Variants in OR4Q3 observed in about 807,000 individuals in gnomAD.
OR4Q3 encodes olfactory receptor 4Q3.
OR4Q3 carries 17 observed loss-of-function variants against 18.8 expected under a neutral mutation model. The ratio of observed to expected loss-of-function variants is 0.91; its 90% CI spans 0.62 to 1.36. The LOEUF (loss-of-function observed/expected upper bound fraction) is 1.36. Ranked by LOEUF, OR4Q3 falls within the 40% of genes most tolerant of loss-of-function variation. OR4Q3 has a pLI of 0.00. For synonymous variants in OR4Q3, 158 were observed against 145.8 expected (o/e 1.08, Z -0.60); for missense variants, 378 against 373.4 (o/e 1.01, Z -0.10).
downstream of OR4Q3, among the ~76,000 whole-genome samples, chr14:19,751,003 C>T: frequency 6.6e-6 from 1 of 152,238 alleles, no homozygotes. Context: ...CTAGGGATTA[C>T]CAGGCATGTT....
intron 1 of OR4Q3, 136 bp from the exon 2 acceptor site, chr14:19,747,270 G>A: frequency 2.4e-6 from 1 of 424,158 alleles, no homozygotes; most frequent in Non-Finnish European, 4.0e-6. Context: ...CAATATAAGA[G>A]TGTACTGCCT....
chr14:19,747,761 G>A, exon 2 of OR4Q3: 4 of 1,613,998 alleles, frequency 2.5e-6, no homozygotes, highest in South Asian at 2.2e-5. Context: ...AGGAGCCAGT[G>A]AGATGTTTTT....
chr14:19,748,379 A>G, exon 2 of OR4Q3: 3 of 1,572,088 alleles, frequency 1.9e-6, no homozygotes, highest in Non-Finnish European at 2.6e-6. Flanking sequence ...AGGAATGAGC[A>G]GAAGAGGTGA....
downstream of OR4Q3, among the ~76,000 whole-genome samples, chr14:19,751,711 G>A: frequency 6.6e-5 from 10 of 151,964 alleles, no homozygotes; most frequent in South Asian, 2.1e-4. Flanking sequence ...AGGATCTTTC[G>A]TATTTCTGTG....
chr14:19,744,927 A>G, intron 1 of OR4Q3, among the ~76,000 whole-genome samples: 2 of 152,194 alleles, frequency 1.3e-5, no homozygotes, highest in Admixed American at 1.3e-4. Flanking sequence ...TCAGAAACAC[A>G]GAAGCTGGGA....
At chr14:19,752,108 C>A, downstream of OR4Q3, among the ~76,000 whole-genome samples, 3 of 152,056 alleles carry the variant, frequency 2.0e-5, no homozygotes, top group Non-Finnish European at 4.4e-5. Context: ...TGACATTGGC[C>A]TTGGGAAAAA....
intron 1 of OR4Q3, among the ~76,000 whole-genome samples, chr14:19,744,546 T>C (rs1303411066): frequency 1.1e-4 from 17 of 152,178 alleles, no homozygotes; most frequent in Admixed American, 2.6e-4. Flanking sequence ...ATTTAAGGTG[T>C]TTTGGTTTGT....
At chr14:19,747,591 T>C in exon 2 of OR4Q3, 1 of 1,613,862 alleles carries the variant, frequency 6.2e-7, no homozygotes, top group Non-Finnish European at 8.5e-7. Context: ...CATGCTCACC[T>C]GCTCCAATCT....
At chr14:19,744,540 A>C (rs1354418220) in intron 1 of OR4Q3, among the ~76,000 whole-genome samples, 1 of 152,168 alleles carries the variant, frequency 6.6e-6, no homozygotes, top group Non-Finnish European at 1.5e-5. Flanking sequence ...TTTGATATTT[A>C]AGGTGTTTTG....
chr14:19,748,035 A>T lies in OR4Q3; in HGVS notation c.632A>T (p.Asn211Ile). The change falls in exon 2 of 2, where the codon AAC becomes ATC. Residue 211 changes from asparagine to isoleucine, a missense_variant. Coordinates refer to ENST00000642117, the Ensembl canonical transcript of OR4Q3. ...GTGGTAGAGGTGCTGGTGATAGCCA[A>T]CAGTGGTCTGCTGTCTCTTGTCTGC... 1.4e-5 allele frequency: 22 copies of T among 1,613,904 alleles called. No homozygotes were observed. The highest frequency in any genetic ancestry group is 2.2e-5 in the South Asian group (2 of 91,092).
intron 1 of OR4Q3, among the ~76,000 whole-genome samples, chr14:19,744,489 G>C (rs1414658354): frequency 6.6e-6 from 1 of 152,150 alleles, no homozygotes; most frequent in Admixed American, 6.6e-5. Flanking sequence ...TCCCTGTTTA[G>C]AAAGAAGAGA....
At chr14:19,749,806 C>CTCTTTCTTTCTTTCTCTCTCTT, downstream of OR4Q3, among the ~76,000 whole-genome samples, 1 of 12,656 alleles carries the variant, frequency 7.9e-5, no homozygotes, top group African/African-American at 1.4e-4. Flanking sequence ...CTCTCTCTTT[C>CTCTTTCTTTCTTTCTCTCTCTT]TCTCTATTTC....
chr14:19,745,568 A>G, intron 1 of OR4Q3, among the ~76,000 whole-genome samples: 2 of 152,170 alleles, frequency 1.3e-5, no homozygotes, highest in Non-Finnish European at 2.9e-5. Context: ...AATTAAAAAA[A>G]TAACTTTGGT....
At chr14:19,743,595 AAG>A (rs1271327039) in exon 1 of OR4Q3, 2 of 152,436 alleles carry the variant, frequency 1.3e-5, no homozygotes, top group Non-Finnish European at 2.9e-5. Context: ...CCTGAGGCTG[AAG>A]AGAGGGTTGA....
downstream of OR4Q3, among the ~76,000 whole-genome samples, chr14:19,749,848 TTCTTTCTTTC>T: frequency 1.1e-3 from 2 of 1,864 alleles, no homozygotes; most frequent in African/African-American, 2.6e-3. Flanking sequence ...TACAGATTAC[TTCTTTCTTTC>T]TTTCTTTCTT....
At chr14:19,746,827 T>C in intron 1 of OR4Q3, among the ~76,000 whole-genome samples, 3 of 152,360 alleles carry the variant, frequency 2.0e-5, no homozygotes, top group African/African-American at 4.8e-5. Flanking sequence ...ATTTGATAAA[T>C]TATTGAGCTT....
chr14:19,752,021 A>G, downstream of OR4Q3, among the ~76,000 whole-genome samples: 1 of 152,254 alleles, frequency 6.6e-6, no homozygotes, highest in Non-Finnish European at 1.5e-5. Flanking sequence ...AAGAAAATTA[A>G]CAGGATAGAT....
downstream of OR4Q3, among the ~76,000 whole-genome samples, chr14:19,750,741 A>G: frequency 1.3e-5 from 2 of 152,196 alleles, no homozygotes; most frequent in Non-Finnish European, 2.9e-5. Flanking sequence ...CTATAGAAGG[A>G]CTCCTCACAG....
intron 1 of OR4Q3, among the ~76,000 whole-genome samples, chr14:19,745,549 A>C: frequency 6.6e-6 from 1 of 152,052 alleles, no homozygotes; most frequent in Non-Finnish European, 1.5e-5. Context: ...GCTTCTAGAA[A>C]CCTTTTTTAA....
Sources: gnomAD v4.1 joint callset for allele counts (sites outside exome capture counted in the v4.1 genomes callset) on GRCh38, gnomAD v4.1.1 for gene constraint, MANE v1.5 for transcripts, NCBI Gene and HGNC (gene_info 2026-07-23, HGNC 2026-07-21) for gene names.